The following RYR3 variants were observed in gnomAD, a reference collection of about 807,000 sequenced individuals.
RYR3 encodes brain ryanodine receptor-calcium release channel.
RYR3 carries 207 observed loss-of-function variants against 584.3 expected under a neutral mutation model. The observed-to-expected ratio is 0.35, with a 90% confidence interval of 0.32 to 0.40. The LOEUF is 0.40. Among genes scored for constraint, RYR3 ranks in the 10% least tolerant of loss-of-function variants. The pLI, the probability that RYR3 is intolerant of heterozygous loss-of-function variation, is 1.00. For missense variants in RYR3, 5,616 were observed against 6,089.2 expected, an observed-to-expected ratio of 0.92 and a Z score of 2.59; for synonymous variants, 2,416 against 2,248.5, an observed-to-expected ratio of 1.07 and a Z score of -2.11.
intron 67 of RYR3, among the ~76,000 whole-genome samples, chr15:33,799,018 G>T (rs888284067): frequency 1.3e-5 from 2 of 152,134 alleles, no homozygotes; most frequent in African/African-American, 4.8e-5. Context: ...GAGGCAAGAG[G>T]CATCAGGTTT....
chr15:33,584,342 C>G (rs624954), intron 14 of RYR3, 53 bp from the exon 15 acceptor site: 5 of 940,788 alleles, frequency 5.3e-6, no homozygotes, highest in Non-Finnish European at 6.7e-6. Context: ...CAAGTTCTCA[C>G]GCCCATCATT....
intron 1 of RYR3, among the ~76,000 whole-genome samples, chr15:33,376,043 A>G (rs538152469): frequency 0.018 from 2,795 of 152,180 alleles, 47 homozygotes; most frequent in Middle Eastern, 0.044. Context: ...CAGCCTGGGG[A>G]ACAGAGTGCG....
chr15:33,847,221 A>T (rs565757274), intron 93 of RYR3: 12 of 152,300 alleles, frequency 7.9e-5, no homozygotes, highest in African/African-American at 2.6e-4. Flanking sequence ...AGCCTTTGCC[A>T]CCTTCCTATC....
Position 33,520,446 on chromosome 15 carries a change from CCTG to C in RYR3, c.280-10145_280-10143del, listed in dbSNP as rs1344743581. 2.6e-5 allele frequency among the ~76,000 whole-genome samples: 4 copies of C among 152,080 alleles called. No individual in the cohort carries two copies. The East Asian group carries it at 7.7e-4, about 29-fold the overall frequency. On this transcript the variant is annotated intron_variant, in intron 3 of 103. Coordinates refer to ENST00000634891, the MANE Select transcript of RYR3 (RefSeq NM_001036.6). ...CACTGGTCCACTGTTTCATCTGAAG[CCTG>C]ATGAGGAGGAGGAGTATGGGTGGTT...
At chr15:33,464,727 A>C (rs1246921875) in intron 1 of RYR3, among the ~76,000 whole-genome samples, 1 of 151,876 alleles carries the variant, frequency 6.6e-6, no homozygotes, top group African/African-American at 2.4e-5. Flanking sequence ...TCACATACTT[A>C]CCTTTGTGTG....
At chr15:33,451,201 A>T (rs1310807300) in intron 1 of RYR3, among the ~76,000 whole-genome samples, 1 of 152,188 alleles carries the variant, frequency 6.6e-6, no homozygotes, top group African/African-American at 2.4e-5. Flanking sequence ...CTGGTACATA[A>T]CAGGCACTCC....
chr15:33,520,685 G>A (rs2053914563), intron 3 of RYR3, among the ~76,000 whole-genome samples: 1 of 151,678 alleles, frequency 6.6e-6, no homozygotes, highest in Admixed American at 6.6e-5. Context: ...AATATCTGGC[G>A]ATTTGCTCTT....
At chr15:33,701,538 C>A (rs984759020) in intron 42 of RYR3, among the ~76,000 whole-genome samples, 2 of 152,084 alleles carry the variant, frequency 1.3e-5, no homozygotes, top group African/African-American at 4.8e-5. Flanking sequence ...CTGGTTGAGG[C>A]GGCCTCACTA....
At chr15:33,724,901 C>G (rs148311695) in intron 45 of RYR3, among the ~76,000 whole-genome samples, 1 of 151,954 alleles carries the variant, frequency 6.6e-6, no homozygotes, top group Admixed American at 6.5e-5. Context: ...ATTTCTGTGC[C>G]TTTAAGTAAA....
intron 86 of RYR3, among the ~76,000 whole-genome samples, chr15:33,833,255 A>G (rs2077815036): frequency 6.6e-6 from 1 of 152,154 alleles, no homozygotes; most frequent in Non-Finnish European, 1.5e-5. Flanking sequence ...TTCCCAAAGA[A>G]CTTTTTATAT....
At position 33,837,708 on chromosome 15, in the gene RYR3, T is replaced by C; in HGVS notation, c.11728T>C (p.Leu3910=). ...VESSTNVEMI[L]KFFDMFLKLK... ...ATCATCTACCAATGTAGAAATGATC[T>C]TGAAATTCTTTGACATGTTCTTGAA... Residue 3910 remains leucine (L), a synonymous_variant, in exon 89 of 104, where the codon TTG becomes CTG. Coordinates refer to ENST00000634891, the MANE Select transcript of RYR3 (RefSeq NM_001036.6). The C allele has an allele frequency of 1.2e-6, 2 of 1,610,616 alleles. No individual in the cohort carries two copies. The highest frequency in any genetic ancestry group is 1.7e-6 in the Non-Finnish European group (2 of 1,178,096).
Position 33,859,557 on chromosome 15 carries a change from C to G in RYR3, c.14143-18C>G. On this transcript the variant is annotated intron_variant, in intron 99 of 103. Coordinates refer to ENST00000634891, the MANE Select transcript of RYR3 (RefSeq NM_001036.6). ...AACTGTGACTTTTGCCTAAATCCCCCTTATTTTTCTTCTCTAGTGTTACCT... is the reference window on the plus strand; with the variant it reads ...AACTGTGACTTTTGCCTAAATCCCCGTTATTTTTCTTCTCTAGTGTTACCT... 1 of 1,613,400 alleles carries G rather than the reference C, an allele frequency of 6.2e-7. No homozygotes were observed. The highest frequency in any genetic ancestry group is 1.1e-5 in the South Asian group (1 of 90,938).
At chr15:33,348,252 C>A (rs535849310) in intron 1 of RYR3, among the ~76,000 whole-genome samples, 1 of 152,254 alleles carries the variant, frequency 6.6e-6, no homozygotes, top group East Asian at 1.9e-4. Context: ...AAATTGTTAG[C>A]CCATAACCCC....
At position 33,450,871 on chromosome 15, in the gene RYR3, G is replaced by A. The variant is rs947015028; in HGVS notation, c.52-22548G>A. ...ACTCCTCAAGGCCCCAAGGTAGGAC[G>A]CATGTTTGGTGGCTTTCTGGCTTAC... On this transcript the variant is annotated intron_variant, in intron 1 of 103. Coordinates refer to ENST00000634891, the MANE Select transcript of RYR3 (RefSeq NM_001036.6). Among the ~76,000 whole-genome samples, 25 of 152,220 alleles carry A rather than the reference G, an allele frequency of 1.6e-4. No individual in the cohort carries two copies. In the South Asian group the frequency reaches 2.1e-3, roughly 13 times the overall value.
chr15:33,537,253 C>G (rs1254526169), intron 5 of RYR3, among the ~76,000 whole-genome samples: 1 of 143,500 alleles, frequency 7.0e-6, no homozygotes, highest in African/African-American at 2.9e-5. Context: ...ATGATCTGTT[C>G]TCTCAGTTTC....
intron 2 of RYR3, among the ~76,000 whole-genome samples, chr15:33,477,285 T>C (rs892780): frequency 0.64 from 97,487 of 151,908 alleles, 32,361 homozygotes; most frequent in African/African-American, 0.83. Flanking sequence ...AGATAAAGTG[T>C]TCAAAAACTA....
chr15:33,820,685 G>A lies in RYR3; in HGVS notation c.10759-71G>A, dbSNP rs1164136150. The A allele has an allele frequency of 3.0e-6, 4 of 1,317,562 alleles. No individual in the cohort carries two copies. In the African/African-American group the frequency reaches 5.8e-5, roughly 19 times the overall value. 81.6% of individuals were successfully genotyped at this position (1,317,562 alleles called of 1,614,324 possible). A position where few individuals can be genotyped will look rare whatever the true frequency, so the allele number is the denominator to read the frequency against. ...TTACGTCCTGTCCCCTGCCCTTGTA[G>A]AGTTGTGTTTATTAGATTTCCCTTT... On this transcript the variant is annotated intron_variant, in intron 77 of 103. Transcript: ENST00000634891.
At chr15:33,794,284 G>T (rs185936557) in intron 67 of RYR3, among the ~76,000 whole-genome samples, 1,216 of 35,788 alleles carry the variant, frequency 0.034, 49 homozygotes, top group African/African-American at 0.063. Context: ...GGTAAGGAAA[G>T]AAAAGATTTT....
chr15:33,413,221 A>G (rs2043533219), intron 1 of RYR3, among the ~76,000 whole-genome samples: 1 of 151,894 alleles, frequency 6.6e-6, no homozygotes, highest in African/African-American at 2.4e-5. Flanking sequence ...ACACATTTGT[A>G]TTGGCCAGTA....
Sources: allele counts gnomAD v4.1 joint callset (sites outside exome capture counted in the v4.1 genomes callset), GRCh38; gene constraint gnomAD v4.1.1; transcripts MANE v1.5; gene names NCBI Gene and HGNC (gene_info 2026-07-23, HGNC 2026-07-21).